Variants in PDGFD observed in about 807,000 individuals in gnomAD.
PDGFD encodes the protein platelet derived growth factor D.
Under a neutral mutation model 44.7 loss-of-function variants are expected in PDGFD, and 30 were observed. The observed-to-expected ratio is 0.67, with a 90% CI of 0.50 to 0.91. The LOEUF (loss-of-function observed/expected upper bound fraction) is 0.91. Among genes scored for constraint, PDGFD ranks in the 40% least tolerant of loss-of-function variants. The pLI, the probability that PDGFD is intolerant of heterozygous loss-of-function variation, is 0.00. For missense variants in PDGFD, 445 were observed against 457.8 expected (o/e 0.97, Z 0.25); for synonymous variants, 173 against 168.4 (o/e 1.03, Z -0.21).
intron 1 of PDGFD, among the ~76,000 whole-genome samples, chr11:104,131,672 G>A (rs572779177): frequency 6.6e-6 from 1 of 152,008 alleles, no homozygotes; most frequent in East Asian, 1.9e-4. Flanking sequence ...ACAAAGAGTG[G>A]CATTTCTGGT....
At chr11:104,125,517 A>G (rs1183410544) in intron 1 of PDGFD, among the ~76,000 whole-genome samples, 2 of 152,062 alleles carry the variant, frequency 1.3e-5, no homozygotes, top group Admixed American at 6.6e-5. Flanking sequence ...AGATTTTTAA[A>G]CGGTTCATAT....
At position 104,013,841 on chromosome 11, in the gene PDGFD, T is replaced by C. The variant is rs143071923; in HGVS notation, c.125-13586A>G. 2.1e-3 allele frequency among the ~76,000 whole-genome samples: 323 copies of C among 151,772 alleles called. 1 individual carries two copies. Among genetic ancestry groups the C allele is most frequent in the African/African-American group, 7.5e-3 (311 of 41,408 alleles). ...AATAGATGGTCAGGATAGAAATGTA[T>C]CTCCAAGCAGAAGATTCATAAAGAT... On this transcript the variant is annotated intron_variant, in intron 1 of 6. Transcript: ENST00000393158.
chr11:104,133,237 T>A (rs1861949729), intron 1 of PDGFD, among the ~76,000 whole-genome samples: 1 of 152,154 alleles, frequency 6.6e-6, no homozygotes, highest in African/African-American at 2.4e-5. Flanking sequence ...AACAATGTCA[T>A]CTTTCCTACT....
At chr11:104,045,509 GA>G (rs1314069255) in intron 1 of PDGFD, among the ~76,000 whole-genome samples, 1 of 151,858 alleles carries the variant, frequency 6.6e-6, no homozygotes, top group African/African-American at 2.4e-5. Flanking sequence ...ACTGACATCA[GA>G]AAATGAGAGC....
intron 1 of PDGFD, among the ~76,000 whole-genome samples, chr11:104,067,502 C>G (rs1418805139): frequency 2.0e-5 from 3 of 152,118 alleles, no homozygotes; most frequent in Admixed American, 6.5e-5. Flanking sequence ...AAAACACACA[C>G]ATAATTTCTC....
chr11:104,039,026 G>C (rs75141026), intron 1 of PDGFD: 2,650 of 167,154 alleles, frequency 0.016, 87 homozygotes, highest in East Asian at 0.14. Context: ...GACAATGTTA[G>C]TGTTTATTAC....
At chr11:104,132,365 C>T (rs1014853569) in intron 1 of PDGFD, among the ~76,000 whole-genome samples, 2 of 151,742 alleles carry the variant, frequency 1.3e-5, no homozygotes, top group Non-Finnish European at 2.9e-5. Context: ...ATTATTTTTT[C>T]TTTTTTTTCT....
Position 103,957,918 on chromosome 11 carries a change from T to C in PDGFD, c.511-10194A>G, listed in dbSNP as rs181422913. On this transcript the variant is annotated intron_variant, in intron 3 of 6. Transcript: ENST00000393158. ...ATACCATGGTGTTTGGTGTATGGTG[T>C]TGGTTCACCAACCTCCATGGTGTTT... Among the ~76,000 whole-genome samples the C allele has an allele frequency of 5.6e-3, 855 of 152,318 alleles. 2 individuals are homozygous for C. Among genetic ancestry groups the C allele is most frequent in the Middle Eastern group, 0.014 (4 of 294 alleles).
intron 1 of PDGFD, among the ~76,000 whole-genome samples, chr11:104,097,208 A>G (rs1485595538): frequency 6.6e-6 from 1 of 152,174 alleles, no homozygotes; most frequent in East Asian, 1.9e-4. Context: ...ATCAAGTAAT[A>G]AGAATAGCAG....
At chr11:104,037,467 A>G (rs1479571290) in intron 1 of PDGFD, 1 of 1,614,014 alleles carries the variant, frequency 6.2e-7, no homozygotes, top group Non-Finnish European at 8.5e-7. Context: ...CCAAAATAGA[A>G]GAGGAAATCC....
intron 1 of PDGFD, among the ~76,000 whole-genome samples, chr11:104,095,446 G>C (rs1270113690): frequency 6.6e-6 from 1 of 152,020 alleles, no homozygotes; most frequent in Non-Finnish European, 1.5e-5. Flanking sequence ...TCCATAAGTA[G>C]GAGGCTGGAG....
chr11:103,974,674 T>G (rs919536868), intron 3 of PDGFD, among the ~76,000 whole-genome samples: 1 of 152,158 alleles, frequency 6.6e-6, no homozygotes, highest in South Asian at 2.1e-4. Context: ...TTCCTCTCCC[T>G]ATGTCCATGT....
At chr11:104,110,077 T>C (rs527521251) in intron 1 of PDGFD, among the ~76,000 whole-genome samples, 1 of 152,300 alleles carries the variant, frequency 6.6e-6, no homozygotes, top group Non-Finnish European at 1.5e-5. Context: ...TAAAGCATTA[T>C]GAACCAAGAT....
chr11:103,981,117 T>TGGTTAATGGATTAATG (rs981298690), intron 3 of PDGFD, among the ~76,000 whole-genome samples: 4 of 150,110 alleles, frequency 2.7e-5, no homozygotes, highest in Non-Finnish European at 4.4e-5. Context: ...ATTCATTTAC[T>TGGTTAATGGATTAATG]GGTTAATGGA....
rs146065729 is a variant in PDGFD at position 103,996,064 on chromosome 11, C to G, written c.510+1G>C. 5.0e-6 allele frequency: 8 copies of G among 1,612,212 alleles called. No homozygotes were observed. The highest frequency in any genetic ancestry group is 6.8e-6 in the Non-Finnish European group (8 of 1,178,962). On this transcript the variant is annotated splice_donor_variant, in intron 3 of 6. Coordinates refer to ENST00000393158, the MANE Select transcript of PDGFD (RefSeq NM_025208.5). LOFTEE classifies it high-confidence loss of function. ...TAATCATAAAGTGGTTAAGTACTCA[C>G]CAGCAAAGAATAATAAATCTTGAAT...
intron 1 of PDGFD, among the ~76,000 whole-genome samples, chr11:104,075,433 A>C (rs615290): frequency 0.76 from 115,498 of 151,458 alleles, 44,814 homozygotes; most frequent in African/African-American, 0.92. Context: ...TCTCTTTCAT[A>C]TCAGTTGTTA....
At chr11:104,057,001 G>A (rs1002381227) in intron 1 of PDGFD, among the ~76,000 whole-genome samples, 9 of 152,018 alleles carry the variant, frequency 5.9e-5, no homozygotes, top group Non-Finnish European at 1.0e-4. Context: ...AGTGGTGCAT[G>A]CCTGCAGTCC....
intron 1 of PDGFD, among the ~76,000 whole-genome samples, chr11:104,142,119 T>C (rs1415340494): frequency 6.6e-6 from 1 of 152,170 alleles, no homozygotes; most frequent in Non-Finnish European, 1.5e-5. Flanking sequence ...ATATATCACA[T>C]ACACATCCTT....
chr11:104,009,362 C>A (rs1859748912), intron 1 of PDGFD, among the ~76,000 whole-genome samples: 1 of 152,002 alleles, frequency 6.6e-6, no homozygotes, highest in Non-Finnish European at 1.5e-5. Context: ...TCATCCTATG[C>A]AACCATTTAA....
Sources: allele counts gnomAD v4.1 joint callset (sites outside exome capture counted in the v4.1 genomes callset), GRCh38; gene constraint gnomAD v4.1.1; transcripts MANE v1.5; gene names NCBI Gene and HGNC (gene_info 2026-07-23, HGNC 2026-07-21).